Variants in EBF2 observed in about 807,000 individuals in gnomAD.
EBF2 encodes the protein EBF transcription factor 2, also known as transcription factor COE2.
A neutral mutation model predicts 72.8 loss-of-function variants in EBF2; 21 were observed. The ratio of observed to expected loss-of-function variants is 0.29; its 90% CI spans 0.20 to 0.42. EBF2 has a LOEUF of 0.42. EBF2 is among the 10% of genes least tolerant of loss of function. EBF2 has a pLI of 1.00. For missense variants in EBF2, 637 were observed against 731.2 expected, an observed-to-expected ratio of 0.87 and a Z score of 1.49; for synonymous variants, 299 against 274.2, an observed-to-expected ratio of 1.09 and a Z score of -0.89.
At chr8:26,042,055 G>A (rs768173978) in intron 2 of EBF2, 40 bp downstream of exon 2, 8 of 1,603,400 alleles carry the variant, frequency 5.0e-6, no homozygotes, top group South Asian at 2.2e-5. Context: ...GCAAGAGGGA[G>A]TTATTAGGCC....
intron 6 of EBF2, among the ~76,000 whole-genome samples, chr8:25,929,781 C>T (rs1803451214): frequency 6.6e-6 from 1 of 152,118 alleles, no homozygotes; most frequent in Non-Finnish European, 1.5e-5. Context: ...CCTACTTCCC[C>T]ATCACTGAGC....
At chr8:26,023,307 C>A (rs1405681664) in intron 6 of EBF2, among the ~76,000 whole-genome samples, 1 of 152,210 alleles carries the variant, frequency 6.6e-6, no homozygotes, top group Non-Finnish European at 1.5e-5. Context: ...CAAATACCTA[C>A]TTCTTATTTC....
At position 25,996,211 on chromosome 8, in the gene EBF2, C is replaced by G. The variant is rs1403159417; in HGVS notation, c.551+36874G>C. Among the ~76,000 whole-genome samples, 3 of 150,326 alleles carry G rather than the reference C, an allele frequency of 2.0e-5. No homozygotes were observed. The East Asian group carries it at 6.0e-4, about 30-fold the overall frequency. ...TGGGAAGGCTGCAGTGGGAGGATGGCTTGAGCCCAGGAGGTGAAGGTTGCA... is the reference window on the plus strand; with the variant it reads ...TGGGAAGGCTGCAGTGGGAGGATGGGTTGAGCCCAGGAGGTGAAGGTTGCA... On this transcript the variant is annotated intron_variant, in intron 6 of 15. Transcript: ENST00000520164.
intron 6 of EBF2, among the ~76,000 whole-genome samples, chr8:25,983,087 C>T (rs1419028714): frequency 1.3e-5 from 2 of 152,132 alleles, no homozygotes; most frequent in East Asian, 3.9e-4. Flanking sequence ...ATCCCCTCCG[C>T]ATGCACGAGC....
chr8:25,891,258 A>T (rs941039011), intron 7 of EBF2, among the ~76,000 whole-genome samples: 1 of 152,232 alleles, frequency 6.6e-6, no homozygotes, highest in Admixed American at 6.5e-5. Flanking sequence ...CTGGCCAAGC[A>T]TAGCAGAAGG....
intron 6 of EBF2, among the ~76,000 whole-genome samples, chr8:25,946,452 A>G (rs1233671150): frequency 6.6e-6 from 1 of 152,266 alleles, no homozygotes; most frequent in Non-Finnish European, 1.5e-5. Context: ...AAGTTTTCCC[A>G]GCAGTCATCT....
At chr8:25,931,756 A>G (rs1402612210) in intron 6 of EBF2, among the ~76,000 whole-genome samples, 1 of 152,032 alleles carries the variant, frequency 6.6e-6, no homozygotes, top group South Asian at 2.1e-4. Flanking sequence ...TAGATCTTCC[A>G]TCTTTCGTCC....
chr8:25,850,566 G>T, intron 15 of EBF2, 28 bp downstream of exon 15: 2 of 1,515,530 alleles, frequency 1.3e-6, no homozygotes, highest in Non-Finnish European at 1.8e-6. Flanking sequence ...GGTACATTGT[G>T]TATCCCCAAA....
In EBF2 at chr8:25,899,885, G is replaced by A. The variant is rs181557037; in HGVS notation, c.633+8589C>T. ...CCTGTGGACGCCAGTCAGTCCCAAC[G>A]GGGCCTCACTTCCTTTCTCCATTCC... On this transcript the variant is annotated intron_variant, in intron 7 of 15. Transcript: ENST00000520164. Among the ~76,000 whole-genome samples, 14 of 152,280 alleles carry A rather than the reference G, an allele frequency of 9.2e-5. No individual in the cohort carries two copies. In the East Asian group the frequency reaches 2.7e-3, roughly 29 times the overall value.
chr8:25,994,579 A>G (rs1804593398), intron 6 of EBF2, among the ~76,000 whole-genome samples: 1 of 152,258 alleles, frequency 6.6e-6, no homozygotes, highest in Non-Finnish European at 1.5e-5. Context: ...AAGGTGGTAC[A>G]TATACACTAT....
chr8:25,926,609 G>C (rs1431889787), intron 6 of EBF2, among the ~76,000 whole-genome samples: 2 of 152,064 alleles, frequency 1.3e-5, no homozygotes, highest in African/African-American at 4.8e-5. Flanking sequence ...TCTGCATATT[G>C]ATCCCATCTC....
Position 25,965,076 on chromosome 8 carries a change from G to A in EBF2, c.552-56521C>T, listed in dbSNP as rs537621474. Among the ~76,000 whole-genome samples the A allele has an allele frequency of 3.9e-5, 6 of 152,014 alleles. No individual in the cohort carries two copies. The South Asian group carries it at 1.2e-3, about 32-fold the overall frequency. ...GTTCTTCTCCCACCACCCATTATTTGGTATTAAAACATATATATACACATA... is the reference window on the plus strand; with the variant it reads ...GTTCTTCTCCCACCACCCATTATTTAGTATTAAAACATATATATACACATA... On this transcript the variant is annotated intron_variant, in intron 6 of 15. Coordinates refer to ENST00000520164, the MANE Select transcript of EBF2 (RefSeq NM_022659.4).
rs545927545 is a variant in EBF2, at chr8:25,842,027, TACA to T, written c.*2579_*2581del. 12 of 152,248 alleles carry T rather than the reference TACA, an allele frequency of 7.9e-5. No individual in the cohort carries two copies. Among genetic ancestry groups the T allele is most frequent in the Non-Finnish European group, 1.3e-4 (9 of 68,012 alleles). 9.4% of individuals were successfully genotyped at this position (152,248 alleles called of 1,614,324 possible). On this transcript the variant is annotated 3_prime_UTR_variant, in exon 16 of 16. Coordinates refer to ENST00000520164, the MANE Select transcript of EBF2 (RefSeq NM_022659.4). ...TGTGCAAAGAAAAACTGAGAAGAAT[TACA>T]ACGCTATAACAAAAGAAAGATAAAT...
chr8:25,932,061 G>T (rs1803490569), intron 6 of EBF2, among the ~76,000 whole-genome samples: 1 of 152,072 alleles, frequency 6.6e-6, no homozygotes, highest in South Asian at 2.1e-4. Flanking sequence ...TCTGTCTTCT[G>T]CCATATTGAG....
At chr8:25,862,983 A>G (rs970407613) in intron 10 of EBF2, among the ~76,000 whole-genome samples, 186 bp from the exon 11 acceptor site, 1 of 149,998 alleles carries the variant, frequency 6.7e-6, no homozygotes, top group Non-Finnish European at 1.5e-5. Context: ...ATAGTTTCCT[A>G]TTAGAATAAC....
At chr8:25,962,473 G>A (rs1347678512) in intron 6 of EBF2, among the ~76,000 whole-genome samples, 1 of 151,718 alleles carries the variant, frequency 6.6e-6, no homozygotes, top group East Asian at 1.9e-4. Flanking sequence ...TCTAGCCTCT[G>A]AACCTAAAGC....
chr8:25,889,289 T>G (rs1390577578), intron 8 of EBF2, among the ~76,000 whole-genome samples: 3 of 152,232 alleles, frequency 2.0e-5, no homozygotes, highest in Non-Finnish European at 2.9e-5. Flanking sequence ...ATTACTTTAA[T>G]GCACTTGGAA....
chr8:26,033,344 C>T (rs1290199944), intron 5 of EBF2, among the ~76,000 whole-genome samples, 191 bp from the exon 6 acceptor site: 1 of 152,174 alleles, frequency 6.6e-6, no homozygotes, highest in Admixed American at 6.5e-5. Flanking sequence ...ATTCTCCTGC[C>T]TCAGCCTCCT....
chr8:25,911,559 C>T (rs4338108), intron 6 of EBF2, among the ~76,000 whole-genome samples: 80,793 of 152,038 alleles, frequency 0.53, 23,924 homozygotes, highest in East Asian at 0.74. Context: ...TTAGCCTTGA[C>T]CTGTGGCTAC....
Sources: allele counts gnomAD v4.1 joint callset (sites outside exome capture counted in the v4.1 genomes callset), GRCh38; gene constraint gnomAD v4.1.1; transcripts MANE v1.5; gene names NCBI Gene and HGNC (gene_info 2026-07-23, HGNC 2026-07-21).